Variants in BAAT observed in about 807,000 individuals in gnomAD.
BAAT encodes bile acid-CoA:amino acid N-acyltransferase.
BAAT carries 13 observed loss-of-function variants against 18.9 expected under a neutral mutation model. The ratio of observed to expected loss-of-function variants is 0.69; its 90% CI spans 0.45 to 1.10. The LOEUF is 1.10. BAAT is among the 50% of genes least tolerant of loss of function. The pLI is 0.00. For synonymous variants in BAAT, 170 were observed against 190.7 expected (o/e 0.89, Z 0.89); for missense variants, 489 against 504.0 (o/e 0.97, Z 0.28).
At chr9:101,368,801 T>C (rs1829877209) in intron 2 of BAAT, among the ~76,000 whole-genome samples, 1 of 152,166 alleles carries the variant, frequency 6.6e-6, no homozygotes, top group Non-Finnish European at 1.5e-5. Context: ...ATGCAAAATA[T>C]GGTATATATA....
Position 101,371,419 on chromosome 9 carries a change from A to G in BAAT, c.-15T>C. On this transcript the variant is annotated 5_prime_UTR_variant, in exon 2 of 4. Transcript: ENST00000259407. ...AACTGGATCATTTTTTTAGTGTGGC[A>G]CCTGGGATGATTCTTCAGGAATATC... The G allele has an allele frequency of 6.3e-7, 1 of 1,599,748 alleles. No homozygotes were observed. Among genetic ancestry groups the G allele is most frequent in the Non-Finnish European group, 8.5e-7 (1 of 1,175,730 alleles).
chr9:101,368,121 T>A lies in BAAT; in HGVS notation c.668A>T (p.Lys223Met). ...EAANFLLRHP[K>M]VFGSGVGVVS... is the part of the protein sequence containing the mutation. ...ACCTACTGAAAAGACAAAAATTACC[T>A]TTGGATGTCTCAGGAGAAAGTTGGC... The change falls in exon 3 of 4, where the codon AAG becomes ATG. Residue 223 changes from lysine (K) to methionine (M), a missense_variant and splice_region_variant. Transcript: ENST00000259407. The A allele has an allele frequency of 6.2e-7, 1 of 1,613,476 alleles. No individual in the cohort carries two copies. The highest frequency in any genetic ancestry group is 1.7e-5 in the Admixed American group (1 of 60,008).
intron 1 of BAAT, among the ~76,000 whole-genome samples, chr9:101,378,558 C>T (rs1830083903): frequency 6.6e-6 from 1 of 152,198 alleles, no homozygotes; most frequent in Non-Finnish European, 1.5e-5. Flanking sequence ...TTCTTCCTTA[C>T]ACCTTATACA....
chr9:101,383,576 T>C lies in BAAT; in HGVS notation c.-60+1279A>G, dbSNP rs866605951. 14 of 152,282 alleles carry C rather than the reference T, an allele frequency of 9.2e-5. No homozygotes were observed. The South Asian group carries it at 2.9e-3, about 32-fold the overall frequency. The allele number at this position is 152,282 out of a possible 1,614,324, so 9.4% of individuals were successfully genotyped here. A position where few individuals can be genotyped will look rare whatever the true frequency, so the allele number is the denominator to read the frequency against. ...AAAACCTCAAATATGCCTTTGGAAGTATAACAGAGCTAACTTAAGTGCTAG... is the reference window on the plus strand; with the variant it reads ...AAAACCTCAAATATGCCTTTGGAAGCATAACAGAGCTAACTTAAGTGCTAG... On this transcript the variant is annotated intron_variant, in intron 1 of 3. Transcript: ENST00000259407.
At position 101,362,926 on chromosome 9, in the gene BAAT, G is replaced by T. The variant is rs144858457; in HGVS notation, c.759C>A (p.Ala253=). Residue 253 remains alanine (A), a synonymous_variant, in exon 4 of 4, where the codon GCC becomes GCA. Coordinates refer to ENST00000259407, the MANE Select transcript of BAAT (RefSeq NM_001701.4). ...SMAIYLKQVT[A]TVLINGTNFP... ...AGTTGGTCCCATTAATAAGTACCGT[G>T]GCTGTGACTTGCTTTAGGTAAATAG... is the stretch of plus-strand genomic sequence containing the variant. 2.7e-5 allele frequency: 44 copies of T among 1,613,882 alleles called. No individual in the cohort carries two copies. The African/African-American group carries it at 5.3e-4, about 20-fold the overall frequency.
In BAAT at chr9:101,384,939, G is replaced by T. The variant is rs1267629399; in HGVS notation, c.-144C>A. On this transcript the variant is annotated 5_prime_UTR_variant, in exon 1 of 4. Transcript: ENST00000259407. ...CTGGTCTGAGAAATAAAGAGAAAGAGTACAAAGAGAGGAATTTACAGCTGG... is the reference window on the plus strand; with the variant it reads ...CTGGTCTGAGAAATAAAGAGAAAGATTACAAAGAGAGGAATTTACAGCTGG... Among the ~76,000 whole-genome samples the T allele has an allele frequency of 6.6e-6, 1 of 152,030 alleles. No homozygotes were observed. The highest frequency in any genetic ancestry group is 2.4e-5 in the African/African-American group (1 of 41,382).
chr9:101,381,901 T>C (rs971718877), intron 1 of BAAT, among the ~76,000 whole-genome samples: 23 of 152,194 alleles, frequency 1.5e-4, no homozygotes, highest in African/African-American at 4.1e-4. Context: ...CTTAAGATCA[T>C]ACAGAAATAC....
At position 101,371,380 on chromosome 9, in the gene BAAT, C is replaced by G. The variant is rs552525897; in HGVS notation, c.25G>C (p.Val9Leu). ...ACTGGCTCATCAACAAGTGCACTCA[C>G]AGGGGTAGCTGTCAACTGGATCATT... MIQLTATP[V>L]SALVDEPVHI... is the part of the protein sequence containing the mutation. Residue 9 changes from valine (V) to leucine (L), a missense_variant, in exon 2 of 4, where the codon GTG becomes CTG. Physicochemically the swap from Val to Leu is conservative, Grantham distance 32 (BLOSUM62 1). Coordinates refer to ENST00000259407, the MANE Select transcript of BAAT (RefSeq NM_001701.4). 6.2e-7 allele frequency: 1 copy of G among 1,612,246 alleles called. No individual in the cohort carries two copies. The highest frequency in any genetic ancestry group is 8.5e-7 in the Non-Finnish European group (1 of 1,180,004).
chr9:101,372,345 C>A (rs1829966579), intron 1 of BAAT, among the ~76,000 whole-genome samples: 1 of 149,884 alleles, frequency 6.7e-6, no homozygotes, highest in Non-Finnish European at 1.5e-5. Flanking sequence ...AGAATAAAAT[C>A]TTTGGAAAGA....
Position 101,368,121 on chromosome 9 carries a change from T to C in BAAT, c.668A>G (p.Lys223Arg). The change falls in exon 3 of 4, where the codon AAG becomes AGG. Residue 223 changes from lysine (K) to arginine (R), a missense_variant and splice_region_variant. Physicochemically the swap from Lys to Arg is conservative, Grantham distance 26. Coordinates refer to ENST00000259407, the MANE Select transcript of BAAT (RefSeq NM_001701.4). ...ACCTACTGAAAAGACAAAAATTACC[T>C]TTGGATGTCTCAGGAGAAAGTTGGC... ...EAANFLLRHPKVFGSGVGVVS... is the reference protein window; with the variant it reads ...EAANFLLRHPRVFGSGVGVVS... The C allele has an allele frequency of 6.2e-7, 1 of 1,613,476 alleles. No individual in the cohort carries two copies. Among genetic ancestry groups the C allele is most frequent in the Non-Finnish European group, 8.5e-7 (1 of 1,179,426 alleles).
At chr9:101,378,499 A>G (rs2119037230) in intron 1 of BAAT, among the ~76,000 whole-genome samples, 1 of 152,354 alleles carries the variant, frequency 6.6e-6, no homozygotes, top group East Asian at 1.9e-4. Context: ...TATTTAATAA[A>G]CGGTCCTGGG....
intron 1 of BAAT, among the ~76,000 whole-genome samples, chr9:101,372,294 T>TA (rs11349375): frequency 3.9e-4 from 57 of 145,194 alleles, no homozygotes; most frequent in Middle Eastern, 3.5e-3. Context: ...AAATGAAAGT[T>TA]AAAAAAAAAA....
chr9:101,378,422 C>T (rs1478187263), intron 1 of BAAT, among the ~76,000 whole-genome samples: 3 of 152,108 alleles, frequency 2.0e-5, no homozygotes, highest in Non-Finnish European at 2.9e-5. Context: ...AGAAATAACA[C>T]TACACATCTA....
intron 1 of BAAT, among the ~76,000 whole-genome samples, chr9:101,383,097 T>C (rs748440607): frequency 6.6e-6 from 1 of 152,194 alleles, no homozygotes; most frequent in Non-Finnish European, 1.5e-5. Context: ...TATAAAATTC[T>C]AGGCAATAGT....
At chr9:101,384,043 T>C (rs567514272) in intron 1 of BAAT, among the ~76,000 whole-genome samples, 1 of 152,308 alleles carries the variant, frequency 6.6e-6, no homozygotes, top group South Asian at 2.1e-4. Flanking sequence ...GGATTTTACA[T>C]GACAATAAAA....
chr9:101,364,083 G>A (rs1588138800), intron 3 of BAAT, among the ~76,000 whole-genome samples: 1 of 152,136 alleles, frequency 6.6e-6, no homozygotes, highest in Non-Finnish European at 1.5e-5. Flanking sequence ...TCTGTTAGTT[G>A]CCTACACAGG....
rs1393040270 is a variant in BAAT at position 101,361,006 on chromosome 9, T to C, written c.*1422A>G. The C allele has an allele frequency of 4.6e-5, 8 of 174,406 alleles. No homozygotes were observed. In the East Asian group the frequency reaches 1.1e-3, roughly 24 times the overall value. 10.8% of individuals were successfully genotyped at this position (174,406 alleles called of 1,614,324 possible). A position where few individuals can be genotyped will look rare whatever the true frequency, so the allele number is the denominator to read the frequency against. The stretch of plus-strand genomic sequence containing the variant: ...TATGTAAGATCATGTTAGCAGCCAG[T>C]GTTGGAGTAAGACATGGATCTTGAC... On this transcript the variant is annotated 3_prime_UTR_variant, in exon 4 of 4. Coordinates refer to ENST00000259407, the MANE Select transcript of BAAT (RefSeq NM_001701.4).
intron 1 of BAAT, among the ~76,000 whole-genome samples, chr9:101,382,610 A>G (rs1360351567): frequency 6.6e-6 from 1 of 152,114 alleles, no homozygotes; most frequent in East Asian, 1.9e-4. Flanking sequence ...AAGCTTTTTA[A>G]TAAACTTCTG....
intron 3 of BAAT, among the ~76,000 whole-genome samples, chr9:101,364,880 C>G (rs148191472): frequency 9.2e-5 from 14 of 152,240 alleles, no homozygotes; most frequent in African/African-American, 3.1e-4. Context: ...GGCCTTTATC[C>G]TATAATAAAT....
Sources: gnomAD v4.1 joint callset for allele counts (sites outside exome capture counted in the v4.1 genomes callset) on GRCh38, gnomAD v4.1.1 for gene constraint, MANE v1.5 for transcripts, NCBI Gene and HGNC (gene_info 2026-07-23, HGNC 2026-07-21) for gene names.